MYH11: variants seen among roughly 807,000 people sequenced by gnomAD.
The protein encoded by MYH11 is myosin-11.
A neutral mutation model predicts 246.6 loss-of-function variants in MYH11; 80 were observed. The ratio of observed to expected loss-of-function variants is 0.32; its 90% CI spans 0.27 to 0.39. MYH11 has a LOEUF of 0.39. Ranked by LOEUF, MYH11 falls within the 10% of genes least tolerant of loss-of-function variation. MYH11 has a pLI of 1.00. For missense variants in MYH11, 2,158 were observed against 2,546.8 expected (o/e 0.85, Z 3.29); for synonymous variants, 1,071 against 1,015.5 (o/e 1.05, Z -1.04).
At chr16:15,792,691 C>T (rs1372132933) in intron 4 of MYH11, 1 of 152,140 alleles carries the variant, frequency 6.6e-6, no homozygotes, top group Non-Finnish European at 1.5e-5. Context: ...TGGCTTGAGT[C>T]CCTTAGCACG....
intron 20 of MYH11, among the ~76,000 whole-genome samples, chr16:15,744,746 G>T (rs1331241143): frequency 2.0e-5 from 3 of 149,630 alleles, no homozygotes; most frequent in Non-Finnish European, 4.4e-5. Flanking sequence ...CAAGTGATCC[G>T]CCTGCCTCGG....
At chr16:15,762,887 C>T (rs187955072) in intron 10 of MYH11, among the ~76,000 whole-genome samples, 54 of 152,174 alleles carry the variant, frequency 3.5e-4, no homozygotes, top group Non-Finnish European at 4.6e-4. Context: ...CTCTAGGGAG[C>T]GGGAAAAAGC....
chr16:15,732,207 C>T (rs969909832), intron 27 of MYH11, among the ~76,000 whole-genome samples: 2 of 152,098 alleles, frequency 1.3e-5, no homozygotes, highest in Non-Finnish European at 2.9e-5. Flanking sequence ...AGGTGATCCA[C>T]CCAGTTTGGC....
intron 40 of MYH11, among the ~76,000 whole-genome samples, chr16:15,705,432 G>C (rs2039394913): frequency 2.0e-5 from 3 of 152,216 alleles, no homozygotes; most frequent in African/African-American, 7.2e-5. Flanking sequence ...GTAGGAGGAA[G>C]AGAGTGGGCA....
chr16:15,821,086 G>A (rs556551501), intron 3 of MYH11, among the ~76,000 whole-genome samples: 13 of 152,304 alleles, frequency 8.5e-5, no homozygotes, highest in African/African-American at 2.9e-4. Flanking sequence ...TGCCCAGGCT[G>A]GTCTCGAACT....
At chr16:15,704,577 AC>A (rs2151161166) in intron 40 of MYH11, among the ~76,000 whole-genome samples, 1 of 152,230 alleles carries the variant, frequency 6.6e-6, no homozygotes, top group East Asian at 1.9e-4. Flanking sequence ...GTATCTCCTC[AC>A]CCCCATTCGC....
At chr16:15,753,355 C>A (rs1191756699) in intron 15 of MYH11, 39 bp downstream of exon 15, 6 of 1,582,718 alleles carry the variant, frequency 3.8e-6, no homozygotes, top group Non-Finnish European at 5.2e-6. Context: ...AATTCTCCAG[C>A]TCAAAGCAGA....
chr16:15,708,948 AG>A, intron 40 of MYH11: 3 of 1,188,466 alleles, frequency 2.5e-6, no homozygotes, highest in Admixed American at 2.0e-5. Flanking sequence ...TAATAATTAA[AG>A]GCACTCTTTT....
intron 3 of MYH11, among the ~76,000 whole-genome samples, chr16:15,815,830 T>C (rs2151347020): frequency 6.6e-6 from 1 of 152,092 alleles, no homozygotes; most frequent in East Asian, 1.9e-4. Context: ...GCCAGGAAGG[T>C]GAATATAATC....
At chr16:15,718,057 A>C in intron 37 of MYH11, 2 of 569,526 alleles carry the variant, frequency 3.5e-6, no homozygotes, top group South Asian at 2.0e-5. Context: ...GACTCCAGGG[A>C]TGGCCGTGAG....
rs2041003164 is a variant in MYH11, at chr16:15,732,672, C to T, written c.3543G>A (p.Lys1181=). The change falls in exon 27 of 41, where the codon AAG becomes AAA. Residue 1181 remains lysine, a synonymous_variant. Coordinates refer to ENST00000300036, the MANE Select transcript of MYH11 (RefSeq NM_002474.3). ...GGGACCGCGTCTCTTCATCCAGGGC[C>T]TTCTTCAGCACCGTCACCTCCTGCT... The part of the protein sequence containing the change: ...KREQEVTVLK[K]ALDEETRSHE... The T allele has an allele frequency of 1.9e-6, 3 of 1,614,136 alleles. No individual in the cohort carries two copies. Among genetic ancestry groups the T allele is most frequent in the Admixed American group, 1.7e-5 (1 of 60,012 alleles).
At chr16:15,763,759 C>CCCCCCCACA in intron 10 of MYH11, 37 bp downstream of exon 10, 4 of 1,151,250 alleles carry the variant, frequency 3.5e-6, no homozygotes, top group Non-Finnish European at 5.3e-6. Flanking sequence ...CCCCCCAACC[C>CCCCCCCACA]CAAAGTCATT....
intron 9 of MYH11, 127 bp from the exon 10 acceptor site, chr16:15,764,018 T>TG: frequency 1.3e-6 from 1 of 757,948 alleles, no homozygotes; most frequent in East Asian, 2.6e-5. Flanking sequence ...AACTAGATTC[T>TG]GAGCTCAATA....
At chr16:15,832,711 C>T (rs1045392997) in intron 2 of MYH11, among the ~76,000 whole-genome samples, 1 of 152,128 alleles carries the variant, frequency 6.6e-6, no homozygotes, top group Non-Finnish European at 1.5e-5. Flanking sequence ...TTCCTTCTTG[C>T]TCTGCACTTA....
At position 15,747,730 on chromosome 16, in the gene MYH11, T is replaced by C. The variant is rs781475022; in HGVS notation, c.2251A>G (p.Ile751Val). The C allele has an allele frequency of 1.9e-6, 3 of 1,613,954 alleles. No individual in the cohort carries two copies. The change falls in exon 19 of 41, where the codon ATC (isoleucine) becomes GTC (valine). Residue 751 changes from isoleucine (I) to valine (V), a missense_variant and splice_region_variant. Around this residue, in one of 11 missense-constraint regions of MYH11, gnomAD observed 56 missense variants for 47.2 expected, o/e 1.19. Coordinates refer to ENST00000300036, the MANE Select transcript of MYH11 (RefSeq NM_002474.3). Reference protein sequence around the residue: ...MDGKQACILMIKALELDPNLY... With the variant: ...MDGKQACILMVKALELDPNLY... ...TTGGGGTCAAGTTCCAGGGCTTTGA[T>C]CTGCAAAAGGAAGGAAAGGAAGAGC...
At position 15,724,804 on chromosome 16, in the gene MYH11, A is replaced by G. The variant is rs2151219534; in HGVS notation, c.3964-5T>C. The stretch of plus-strand genomic sequence containing the variant: ...GGTTTCTTCTTGAAGCAGCTCCTGC[A>G]AAAGGGATGCAAAGAGGTCCCAGGG... On this transcript the variant is annotated splice_region_variant and splice_polypyrimidine_tract_variant and intron_variant, in intron 29 of 40. Transcript: ENST00000300036. The G allele has an allele frequency of 6.2e-7, 1 of 1,613,836 alleles. No individual in the cohort carries two copies.
Position 15,750,454 on chromosome 16 carries a change from C to T in MYH11, c.1865-123G>A. The T allele has an allele frequency of 1.1e-6, 1 of 944,856 alleles. No individual in the cohort carries two copies. The highest frequency in any genetic ancestry group is 2.6e-5 in the East Asian group (1 of 37,842). The allele number at this position is 944,856 out of a possible 1,614,324, so 58.5% of individuals were successfully genotyped here. On this transcript the variant is annotated intron_variant, in intron 15 of 40. Transcript: ENST00000300036. The surrounding 1 kb of genome is among the most constrained non-coding windows in gnomAD (Gnocchi z 4.3). Reference sequence around the variant, plus strand: ...CAATCTTTCCTTCCATCACCAACGCCTCCTTCGGCAGTCAGGGTTTCCAAG... The same window carrying T: ...CAATCTTTCCTTCCATCACCAACGCTTCCTTCGGCAGTCAGGGTTTCCAAG...
At chr16:15,847,956 C>T (rs1282756186) in intron 1 of MYH11, among the ~76,000 whole-genome samples, 1 of 152,064 alleles carries the variant, frequency 6.6e-6, no homozygotes, top group African/African-American at 2.4e-5. Context: ...AACAGTGGCG[C>T]AGTCAAGGTC....
chr16:15,744,504 T>TA (rs1212834899), intron 20 of MYH11, among the ~76,000 whole-genome samples: 82 of 131,874 alleles, frequency 6.2e-4, no homozygotes, highest in African/African-American at 1.4e-3. Context: ...TTTTTTTAAA[T>TA]AAAAAAAAAA....
Sources: gnomAD v4.1 joint callset for allele counts (sites outside exome capture counted in the v4.1 genomes callset) on GRCh38, gnomAD v4.1.1 for gene constraint, gnomAD v4.1.1 regional missense constraint, Gnocchi (gnomAD v3.1) non-coding constraint, MANE v1.5 for transcripts, NCBI Gene and HGNC (gene_info 2026-07-23, HGNC 2026-07-21) for gene names.